Variants in SLC7A8 observed in about 807,000 individuals in gnomAD.
The protein encoded by SLC7A8 is large neutral amino acids transporter small subunit 2.
In SLC7A8, 30 loss-of-function variants were observed where a neutral mutation model predicts 51.2. The observed-to-expected ratio is 0.59, with a 90% CI of 0.44 to 0.80. The LOEUF is 0.80. Among genes scored for constraint, SLC7A8 ranks in the 30% least tolerant of loss-of-function variants. The pLI, the probability that SLC7A8 is intolerant of heterozygous loss-of-function variation, is 0.00. For missense variants in SLC7A8, 612 were observed against 674.4 expected, an observed-to-expected ratio of 0.91 and a Z score of 1.03; for synonymous variants, 257 against 275.8, an observed-to-expected ratio of 0.93 and a Z score of 0.67.
intron 3 of SLC7A8, among the ~76,000 whole-genome samples, chr14:23,159,569 G>T (rs1003173585): frequency 1.4e-4 from 22 of 152,222 alleles, no homozygotes; most frequent in Non-Finnish European, 8.8e-5. Context: ...CAGTTTGGGG[G>T]TAGAGAATGT....
intron 1 of SLC7A8, among the ~76,000 whole-genome samples, chr14:23,180,121 T>G (rs1259021392): frequency 6.6e-6 from 1 of 152,158 alleles, no homozygotes; most frequent in African/African-American, 2.4e-5. Flanking sequence ...TTAGCCAGGA[T>G]GGTCTTGATC....
intron 1 of SLC7A8, among the ~76,000 whole-genome samples, chr14:23,169,447 C>A (rs1467941725): frequency 1.3e-5 from 2 of 152,202 alleles, no homozygotes; most frequent in African/African-American, 4.8e-5. Context: ...CAGCCTGTCG[C>A]CCAGGCTGGA....
chr14:23,149,396 T>C (rs566262132), intron 3 of SLC7A8, among the ~76,000 whole-genome samples: 1 of 152,250 alleles, frequency 6.6e-6, no homozygotes, highest in South Asian at 2.1e-4. Context: ...ACAACCCAGA[T>C]ACGCAAACAC....
intron 3 of SLC7A8, among the ~76,000 whole-genome samples, chr14:23,157,324 A>G (rs1201722878): frequency 5.9e-5 from 9 of 152,188 alleles, no homozygotes. Context: ...GATGCACATG[A>G]TAGTCATCTG....
chr14:23,176,941 C>CA (rs10633003), intron 1 of SLC7A8, among the ~76,000 whole-genome samples: 17,420 of 72,272 alleles, frequency 0.24, 2,022 homozygotes, highest in East Asian at 0.43. Context: ...GACTCTGTCT[C>CA]AAAAAAAAAA....
chr14:23,181,152 G>A (rs1877158947), intron 1 of SLC7A8, among the ~76,000 whole-genome samples: 1 of 150,642 alleles, frequency 6.6e-6, no homozygotes, highest in South Asian at 2.2e-4. Flanking sequence ...AACCTTCCTA[G>A]AGGGGGAAAA....
rs912656738 is a variant in SLC7A8, at chr14:23,159,722, C to T, written c.508+5563G>A. ...AGTTTCTCTGTGACAGCATTCTGCA[C>T]CAGGCAGTTGGAGGCTTTCTGCAGA... On this transcript the variant is annotated intron_variant, in intron 3 of 10. Coordinates refer to ENST00000316902, the MANE Select transcript of SLC7A8 (RefSeq NM_012244.4). Among the ~76,000 whole-genome samples the T allele has an allele frequency of 4.6e-5, 7 of 152,194 alleles. No homozygotes were observed. In the South Asian group the frequency reaches 6.2e-4, roughly 13 times the overall value.
chr14:23,151,263 G>A (rs1030616304), intron 3 of SLC7A8, among the ~76,000 whole-genome samples: 1 of 152,172 alleles, frequency 6.6e-6, no homozygotes, highest in African/African-American at 2.4e-5. Context: ...TTACTGAATG[G>A]AAACGACAGA....
Position 23,181,787 on chromosome 14 carries a change from A to G in SLC7A8, c.151+977T>C, listed in dbSNP as rs141991793. On this transcript the variant is annotated intron_variant, in intron 1 of 10. Transcript: ENST00000316902. ...GCCCCCTACCAAAGATAGCAGAACAATCTCTCACTCTGAAGTGAGGGCAGG... is the reference window on the plus strand; with the variant it reads ...GCCCCCTACCAAAGATAGCAGAACAGTCTCTCACTCTGAAGTGAGGGCAGG... Among the ~76,000 whole-genome samples, 869 of 152,338 alleles carry G rather than the reference A, an allele frequency of 5.7e-3. 7 individuals carry two copies. The highest frequency in any genetic ancestry group is 0.02 in the African/African-American group (829 of 41,580).
intron 3 of SLC7A8, among the ~76,000 whole-genome samples, chr14:23,144,626 C>T (rs1357505272): frequency 6.6e-6 from 1 of 152,118 alleles, no homozygotes; most frequent in Non-Finnish European, 1.5e-5. Flanking sequence ...TATTTCCCAA[C>T]CTTATTTGAT....
At chr14:23,171,927 T>A (rs554746553) in intron 1 of SLC7A8, among the ~76,000 whole-genome samples, 1 of 152,158 alleles carries the variant, frequency 6.6e-6, no homozygotes, top group Non-Finnish European at 1.5e-5. Context: ...CAGATTGAGA[T>A]GTGGAAGTCA....
chr14:23,172,182 A>G (rs1259200120), intron 1 of SLC7A8, among the ~76,000 whole-genome samples: 1 of 152,226 alleles, frequency 6.6e-6, no homozygotes, highest in Non-Finnish European at 1.5e-5. Flanking sequence ...TAACAAATGT[A>G]AGGAATGGCT....
intron 5 of SLC7A8, 144 bp downstream of exon 5, chr14:23,140,327 A>G (rs1357920914): frequency 9.0e-6 from 8 of 890,888 alleles, no homozygotes; most frequent in Non-Finnish European, 1.4e-5. Context: ...CTGGGAAATG[A>G]ACTACGACTT....
chr14:23,152,299 T>G (rs1405612152), intron 3 of SLC7A8, among the ~76,000 whole-genome samples: 2 of 151,768 alleles, frequency 1.3e-5, no homozygotes, highest in African/African-American at 4.8e-5. Flanking sequence ...CCAGCTAATT[T>G]TTTGTATTTT....
Position 23,127,156 on chromosome 14 carries a change from G to A in SLC7A8, c.*21C>T, listed in dbSNP as rs540875118. The A allele has an allele frequency of 1.2e-6, 2 of 1,613,086 alleles. No homozygotes were observed. The highest frequency in any genetic ancestry group is 2.7e-5 in the African/African-American group (2 of 75,010). Reference sequence around the variant, plus strand: ...GGATAAAAGGGGGAGGAAGGAGAGAGTAGCCAGGGAATGGTGGTCCTCAGG... The same window carrying A: ...GGATAAAAGGGGGAGGAAGGAGAGAATAGCCAGGGAATGGTGGTCCTCAGG... On this transcript the variant is annotated 3_prime_UTR_variant, in exon 11 of 11. Transcript: ENST00000316902.
chr14:23,127,265 GCCT>G lies in SLC7A8; in HGVS notation c.1517_1519del (p.Glu506del). 6.2e-7 allele frequency: 1 copy of G among 1,614,076 alleles called. No individual in the cohort carries two copies. The highest frequency in any genetic ancestry group is 8.5e-7 in the Non-Finnish European group (1 of 1,179,988). ...CTGCTGCTCCTCCATGTCCTCATTAGCCTCCTCTGTCCCTGAGCCCCGCTCCAC... is the reference window on the plus strand; with the variant it reads ...CTGCTGCTCCTCCATGTCCTCATTAGCCTCTGTCCCTGAGCCCCGCTCCAC... On this transcript the variant is annotated inframe_deletion, in exon 11 of 11. Coordinates refer to ENST00000316902, the MANE Select transcript of SLC7A8 (RefSeq NM_012244.4).
intron 1 of SLC7A8, among the ~76,000 whole-genome samples, chr14:23,176,147 G>A (rs2048997981): frequency 6.6e-6 from 1 of 152,058 alleles, no homozygotes; most frequent in African/African-American, 2.4e-5. Flanking sequence ...GACATTTTTG[G>A]GATTAGAAGC....
chr14:23,149,767 G>A (rs952389949), intron 3 of SLC7A8, among the ~76,000 whole-genome samples: 6 of 152,130 alleles, frequency 3.9e-5, no homozygotes, highest in Non-Finnish European at 5.9e-5. Context: ...TGACATTTTG[G>A]GCAACAACAG....
chr14:23,173,202 G>T (rs997519984), intron 1 of SLC7A8, among the ~76,000 whole-genome samples: 1 of 152,186 alleles, frequency 6.6e-6, no homozygotes, highest in Non-Finnish European at 1.5e-5. Flanking sequence ...GGAAAGGGAA[G>T]ACACATGTGC....
Sources: gnomAD v4.1 joint callset for allele counts (sites outside exome capture counted in the v4.1 genomes callset) on GRCh38, gnomAD v4.1.1 for gene constraint, MANE v1.5 for transcripts, NCBI Gene and HGNC (gene_info 2026-07-23, HGNC 2026-07-21) for gene names.